METTL22: variants seen among roughly 807,000 people sequenced by gnomAD.
METTL22 encodes the protein methyltransferase 22, Kin17 lysine.
Under a neutral mutation model 48.4 loss-of-function variants are expected in METTL22, and 51 were observed. The ratio of observed to expected loss-of-function variants is 1.05; its 90% CI spans 0.84 to 1.33. The LOEUF (loss-of-function observed/expected upper bound fraction) is 1.33. METTL22 is among the 40% of genes most tolerant of loss of function. METTL22 has a pLI of 0.00. For synonymous variants in METTL22, 255 were observed against 214.1 expected (o/e 1.19, Z -1.67); for missense variants, 678 against 526.9 (o/e 1.29, Z -2.81).
chr16:8,649,925 T>C (rs2056869485), downstream of METTL22, among the ~76,000 whole-genome samples: 1 of 152,242 alleles, frequency 6.6e-6, no homozygotes, highest in African/African-American at 2.4e-5. Context: ...AGGCCCTGGA[T>C]GTGGCCTGAT....
intron 1 of METTL22, among the ~76,000 whole-genome samples, chr16:8,625,237 C>T (rs966202437): frequency 3.3e-5 from 5 of 151,898 alleles, no homozygotes; most frequent in African/African-American, 9.7e-5. Flanking sequence ...AGAGGGCAGG[C>T]ACGTGTGGCA....
rs1420819306 is a variant in METTL22 at position 8,646,688 on chromosome 16, G to A, written c.*545G>A. On this transcript the variant is annotated 3_prime_UTR_variant, in exon 11 of 11. Transcript: ENST00000381920. ...CAGGAATGGACTGGCATTGGCCTTT[G>A]TATTTAATTTTAACTCTTTATCACC... is the stretch of plus-strand genomic sequence containing the variant. The A allele has an allele frequency of 1.3e-5, 6 of 456,584 alleles. No homozygotes were observed. Among genetic ancestry groups the A allele is most frequent in the Non-Finnish European group, 2.6e-5 (6 of 226,990 alleles). The allele number at this position is 456,584 out of a possible 1,614,324, so 28.3% of individuals were successfully genotyped here. A position where few individuals can be genotyped will look rare whatever the true frequency, so the allele number is the denominator to read the frequency against.
intron 1 of METTL22, among the ~76,000 whole-genome samples, chr16:8,624,552 C>T (rs570449846): frequency 1.3e-5 from 2 of 151,956 alleles, no homozygotes; most frequent in Non-Finnish European, 2.9e-5. Context: ...CCTAATTCCA[C>T]TCATCTTTTT....
chr16:8,641,777 T>C (rs2056626521), intron 7 of METTL22: 2 of 437,372 alleles, frequency 4.6e-6, no homozygotes, highest in African/African-American at 4.0e-5. Context: ...CTGTGCCCTT[T>C]CTGTGAGTGC....
chr16:8,639,073 T>C lies in METTL22; in HGVS notation c.701-18T>C, dbSNP rs199942196. On this transcript the variant is annotated intron_variant, in intron 5 of 10. Transcript: ENST00000381920. The stretch of plus-strand genomic sequence containing the variant: ...TCGTAGTGGCTGGCACTTTATGGCT[T>C]GCCCTCTGTCATTCCAGATGTCGGT... 5.0e-3 allele frequency: 8,119 copies of C among 1,613,988 alleles called. 38 individuals carry two copies. Among genetic ancestry groups the C allele is most frequent in the Middle Eastern group, 0.015 (88 of 6,062 alleles).
chr16:8,645,601 ATC>A (rs2141819380), intron 10 of METTL22, among the ~76,000 whole-genome samples: 1 of 116,468 alleles, frequency 8.6e-6, no homozygotes, highest in African/African-American at 3.3e-5. Flanking sequence ...CACAGACCCT[ATC>A]TCGACAAAAA....
At position 8,647,118 on chromosome 16, in the gene METTL22, C is replaced by T. The variant is rs1023584831; in HGVS notation, c.*975C>T. 1 of 224,612 alleles carries T rather than the reference C, an allele frequency of 4.5e-6. No individual in the cohort carries two copies. The highest frequency in any genetic ancestry group is 6.3e-5 in the South Asian group (1 of 15,996). The allele number at this position is 224,612 out of a possible 1,614,324, so 13.9% of individuals were successfully genotyped here. On this transcript the variant is annotated 3_prime_UTR_variant, in exon 11 of 11. Coordinates refer to ENST00000381920, the MANE Select transcript of METTL22 (RefSeq NM_024109.4). ...GCTCAGGTTTCCTGGCTTCTCCATG[C>T]ACTGTCCCTGCCCACACTCGCTTCT...
the METTL22 span, among the ~76,000 whole-genome samples, chr16:8,659,403 G>A: frequency 2.6e-5 from 4 of 151,678 alleles, no homozygotes; most frequent in Non-Finnish European, 5.9e-5. Context: ...GAATGACAGA[G>A]CTGGCATCAT....
intron 5 of METTL22, 39 bp downstream of exon 5, chr16:8,635,351 C>A: frequency 6.6e-7 from 1 of 1,507,484 alleles, no homozygotes; most frequent in Non-Finnish European, 8.8e-7. Context: ...GAAGTAGTCA[C>A]CTTCACAAAG....
At chr16:8,663,249 C>A in the METTL22 span, among the ~76,000 whole-genome samples, 14 of 149,424 alleles carry the variant, frequency 9.4e-5, no homozygotes, top group African/African-American at 3.2e-4. Context: ...TCATCATCAT[C>A]ATCTCCCTAT....
chr16:8,663,080 C>T, the METTL22 span, among the ~76,000 whole-genome samples: 3 of 151,032 alleles, frequency 2.0e-5, no homozygotes, highest in Admixed American at 6.6e-5. Flanking sequence ...TGATGGCAGG[C>T]GCCTATAATC....
chr16:8,650,001 T>C (rs1308453616), downstream of METTL22, among the ~76,000 whole-genome samples: 1 of 151,694 alleles, frequency 6.6e-6, no homozygotes, highest in Non-Finnish European at 1.5e-5. Context: ...CTGTGAGGAG[T>C]GAAGTTGCAA....
the METTL22 span, among the ~76,000 whole-genome samples, chr16:8,663,593 A>T: frequency 6.6e-6 from 1 of 151,312 alleles, no homozygotes; most frequent in South Asian, 2.1e-4. Flanking sequence ...AGGTCCTCCC[A>T]CTCCTCCTAT....
chr16:8,632,258 T>A (rs2056288651), intron 3 of METTL22: 1 of 152,222 alleles, frequency 6.6e-6, no homozygotes, highest in East Asian at 1.9e-4. Flanking sequence ...CTCTCCCTTA[T>A]CAATTCGCCC....
chr16:8,640,476 G>A (rs2056561964), intron 6 of METTL22, among the ~76,000 whole-genome samples: 1 of 150,692 alleles, frequency 6.6e-6, no homozygotes, highest in Non-Finnish European at 1.5e-5. Context: ...CTCAAAAAAT[G>A]CTGGAAGAAT....
chr16:8,661,064 G>A, the METTL22 span, among the ~76,000 whole-genome samples: 1 of 152,190 alleles, frequency 6.6e-6, no homozygotes, highest in Non-Finnish European at 1.5e-5. Flanking sequence ...CCCAGGTTCC[G>A]CGGCTTGAGG....
At chr16:8,663,220 A>AG in the METTL22 span, among the ~76,000 whole-genome samples, 35 of 100,878 alleles carry the variant, frequency 3.5e-4, no homozygotes, top group African/African-American at 1.1e-3. Context: ...AAAAAAAAAA[A>AG]AAAAAGGTAG....
At chr16:8,630,924 C>T (rs1030449588) in intron 3 of METTL22, among the ~76,000 whole-genome samples, 17 of 152,202 alleles carry the variant, frequency 1.1e-4, no homozygotes, top group African/African-American at 3.1e-4. Context: ...TCTAATCCTG[C>T]AGGGCTGGAT....
chr16:8,663,786 G>A, the METTL22 span, among the ~76,000 whole-genome samples: 1 of 152,182 alleles, frequency 6.6e-6, no homozygotes, highest in African/African-American at 2.4e-5. Context: ...AGACCTTTCT[G>A]GGTTTCATTT....
Sources: gnomAD v4.1 joint callset for allele counts (sites outside exome capture counted in the v4.1 genomes callset) on GRCh38, gnomAD v4.1.1 for gene constraint, MANE v1.5 for transcripts, NCBI Gene and HGNC (gene_info 2026-07-23, HGNC 2026-07-21) for gene names.